TTC19: variants seen among roughly 807,000 people sequenced by gnomAD.
TTC19 encodes the protein tetratricopeptide repeat protein 19, mitochondrial.
Under a neutral mutation model 49.5 loss-of-function variants are expected in TTC19, and 38 were observed. That is an observed-to-expected ratio of 0.77 (90% CI 0.59 to 1.01). The LOEUF is 1.01. TTC19 is among the 50% of genes least tolerant of loss of function. TTC19 has a pLI of 0.00. For missense variants in TTC19, 475 were observed against 477.7 expected (o/e 0.99, Z 0.05); for synonymous variants, 204 against 185.2 (o/e 1.10, Z -0.83).
intron 2 of TTC19, among the ~76,000 whole-genome samples, chr17:16,038,911 C>T (rs2057003750): frequency 6.6e-6 from 1 of 152,164 alleles, no homozygotes; most frequent in Admixed American, 6.5e-5. Context: ...CCTGGGATTA[C>T]AGGCACACGC....
At chr17:16,039,377 A>G in intron 2 of TTC19, 1 of 1,544,680 alleles carries the variant, frequency 6.5e-7, no homozygotes, top group Non-Finnish European at 8.9e-7. Flanking sequence ...AATTTGGGAA[A>G]TAAACTGGCT....
chr17:16,015,292 C>T (rs1971182082), intron 7 of TTC19, among the ~76,000 whole-genome samples: 1 of 152,036 alleles, frequency 6.6e-6, no homozygotes. Flanking sequence ...GTATTTCTTC[C>T]ATTTTCTTAA....
At chr17:16,009,059 T>G (rs1230399914) in intron 7 of TTC19, among the ~76,000 whole-genome samples, 1 of 152,212 alleles carries the variant, frequency 6.6e-6, no homozygotes, top group Non-Finnish European at 1.5e-5. Flanking sequence ...GAACAGTGCC[T>G]GGCACATAAT....
rs1182986175 is a variant in TTC19, at chr17:16,001,423, TC to T, written c.313-488del. The stretch of plus-strand genomic sequence containing the variant: ...CTACCCTCTGTTTGAGTCATTGTTC[TC>T]CCCAGGTCCTTATTTGGTTGACTCA... On this transcript the variant is annotated intron_variant, in intron 2 of 9. Coordinates refer to ENST00000261647, the MANE Select transcript of TTC19 (RefSeq NM_017775.4). Among the ~76,000 whole-genome samples the T allele has an allele frequency of 5.3e-5, 8 of 152,316 alleles. No individual in the cohort carries two copies. In the East Asian group the frequency reaches 1.5e-3, roughly 29 times the overall value.
intron 2 of TTC19, among the ~76,000 whole-genome samples, chr17:16,044,202 G>C (rs1214941019): frequency 2.0e-5 from 3 of 150,840 alleles, no homozygotes; most frequent in Non-Finnish European, 4.4e-5. Context: ...AGAAAGAAAG[G>C]CTATCTGTAA....
At position 16,027,723 on chromosome 17, in the gene TTC19, T is replaced by G. The variant is rs1179367747; in HGVS notation, c.*201T>G. ...AAAATGACTTTCATTCCCAACTGAT[T>G]ATGACCTTTCAGGATGTCGTCAAGT... On this transcript the variant is annotated 3_prime_UTR_variant, in exon 10 of 10. Coordinates refer to ENST00000261647, the MANE Select transcript of TTC19 (RefSeq NM_017775.4). 1.5e-5 allele frequency: 10 copies of G among 662,500 alleles called. No homozygotes were observed. The highest frequency in any genetic ancestry group is 2.2e-5 in the Non-Finnish European group (8 of 365,482). The allele number at this position is 662,500 out of a possible 1,614,324, so 41.0% of individuals were successfully genotyped here.
intron 2 of TTC19, chr17:16,040,507 A>G: frequency 2.5e-6 from 4 of 1,612,030 alleles, no homozygotes; most frequent in Non-Finnish European, 3.4e-6. Context: ...ATATTTAAGC[A>G]AACATTCAAG....
At chr17:16,000,493 C>T (rs1034371160) in intron 2 of TTC19, 1 of 1,096,770 alleles carries the variant, frequency 9.1e-7, no homozygotes, top group Non-Finnish European at 1.2e-6. Context: ...CTAGGCATCA[C>T]GCTTTATGCA....
At chr17:16,031,219 G>A (rs1466150341), downstream of TTC19, 1 of 199,668 alleles carries the variant, frequency 5.0e-6, no homozygotes, top group African/African-American at 2.3e-5. Flanking sequence ...CCATAGTGAT[G>A]GGGAAAAAGG....
chr17:16,017,874 G>A (rs1971262205), intron 7 of TTC19, among the ~76,000 whole-genome samples: 2 of 152,250 alleles, frequency 1.3e-5, no homozygotes, highest in South Asian at 4.1e-4. Flanking sequence ...CCTCTTACAG[G>A]AACTTTTCCC....
chr17:16,001,203 G>C (rs1249478991), intron 2 of TTC19, among the ~76,000 whole-genome samples: 1 of 151,882 alleles, frequency 6.6e-6, no homozygotes. Context: ...GCTCTGAATG[G>C]CTACCCACTG....
chr17:16,033,336 C>CAAAAA (rs59285422), downstream of TTC19, among the ~76,000 whole-genome samples: 1,258 of 57,120 alleles, frequency 0.022, 14 homozygotes, highest in African/African-American at 0.059. Context: ...ACTCCGTCTC[C>CAAAAA]AAAAAAAAAA....
intron 2 of TTC19, chr17:16,039,718 T>C (rs531748767): frequency 5.6e-6 from 8 of 1,416,220 alleles, no homozygotes; most frequent in Admixed American, 2.0e-5. Context: ...CAAACATGCA[T>C]TGCCCCATCA....
intron 7 of TTC19, among the ~76,000 whole-genome samples, chr17:16,016,737 T>C (rs990923653): frequency 1.3e-5 from 2 of 152,120 alleles, no homozygotes; most frequent in Admixed American, 1.3e-4. Flanking sequence ...TTTGTATTTT[T>C]AGTTGAGATC....
chr17:16,002,956 AT>A, intron 4 of TTC19, 125 bp downstream of exon 4: 1 of 908,214 alleles, frequency 1.1e-6, no homozygotes, highest in Middle Eastern at 2.6e-4. Flanking sequence ...CTCAAACAAG[AT>A]AAAAGTGTAT....
downstream of TTC19, chr17:16,032,006 C>T: frequency 2.7e-6 from 1 of 372,964 alleles, no homozygotes; most frequent in Non-Finnish European, 4.8e-6. Flanking sequence ...GTTTTCTTTA[C>T]AGATGTAAGA....
intron 7 of TTC19, chr17:16,024,463 T>TTTTTC (rs1971486692): frequency 3.6e-5 from 1 of 27,974 alleles, no homozygotes; most frequent in Non-Finnish European, 7.4e-5. Context: ...GCCTGGCTAA[T>TTTTTC]TTTTTTTTTT....
At chr17:16,017,448 C>CAAAA (rs372559333) in intron 7 of TTC19, among the ~76,000 whole-genome samples, 2 of 53,692 alleles carry the variant, frequency 3.7e-5, no homozygotes, top group Non-Finnish European at 9.1e-5. Context: ...GACTCCGGCT[C>CAAAA]AAAAAAAAAA....
At chr17:16,000,328 T>C (rs779278019) in intron 2 of TTC19, 83 bp downstream of exon 2, 78 of 1,558,782 alleles carry the variant, frequency 5.0e-5, no homozygotes, top group Middle Eastern at 2.3e-4. Context: ...CATTACTCTC[T>C]CCGCCTCGCC....
Sources: gnomAD v4.1 joint callset for allele counts (sites outside exome capture counted in the v4.1 genomes callset) on GRCh38, gnomAD v4.1.1 for gene constraint, MANE v1.5 for transcripts, NCBI Gene and HGNC (gene_info 2026-07-23, HGNC 2026-07-21) for gene names.